The following HID1 variants were observed in gnomAD, a reference collection of about 807,000 sequenced individuals.
HID1 encodes HID1 domain containing, also known as protein HID1.
HID1 carries 42 observed loss-of-function variants against 89.7 expected under a neutral mutation model. The ratio of observed to expected loss-of-function variants is 0.47; its 90% CI spans 0.37 to 0.61. The LOEUF (loss-of-function observed/expected upper bound fraction) is 0.61. Among genes scored for constraint, HID1 ranks in the 20% least tolerant of loss-of-function variants. The pLI, the probability that HID1 is intolerant of heterozygous loss-of-function variation, is 0.00. For synonymous variants in HID1, 442 were observed against 433.8 expected (o/e 1.02, Z -0.24); for missense variants, 854 against 1,039.3 (o/e 0.82, Z 2.45).
intron 12 of HID1, among the ~76,000 whole-genome samples, chr17:74,957,659 G>T (rs1231855409): frequency 1.3e-5 from 2 of 151,880 alleles, no homozygotes; most frequent in African/African-American, 4.8e-5. Flanking sequence ...CAGCACTTTG[G>T]GAGGCTGAGG....
chr17:74,951,103 C>T lies in HID1; in HGVS notation c.*467G>A. The T allele has an allele frequency of 6.3e-6, 1 of 158,160 alleles. No individual in the cohort carries two copies. Among genetic ancestry groups the T allele is most frequent in the Non-Finnish European group, 1.4e-5 (1 of 72,280 alleles). 9.8% of individuals were successfully genotyped at this position (158,160 alleles called of 1,614,324 possible). A position where few individuals can be genotyped will look rare whatever the true frequency, so the allele number is the denominator to read the frequency against. On this transcript the variant is annotated 3_prime_UTR_variant, in exon 19 of 19. Coordinates refer to ENST00000425042, the MANE Select transcript of HID1 (RefSeq NM_030630.3). ...GAGCAGCCTGGCCACACCTTTTTCC[C>T]CTGGAGCCTGGAACAGCTGGCTTTG... is the stretch of plus-strand genomic sequence containing the variant.
Position 74,962,944 on chromosome 17 carries a change from G to T in HID1, c.504+21C>A, listed in dbSNP as rs570825257. On this transcript the variant is annotated intron_variant, in intron 4 of 18. Transcript: ENST00000425042. This position sits in a 1 kb window ranked among gnomAD's most constrained non-coding sequence, Gnocchi z 4.3. ...ACCAGAGCCTACTCCGCCTGGGGGT[G>T]GGGGGCTGGGGGACACTCACCACAG... 277 of 1,551,158 alleles carry T rather than the reference G, an allele frequency of 1.8e-4. 5 individuals are homozygous for T. In the South Asian group the frequency reaches 2.7e-3, roughly 15 times the overall value.
In HID1 at chr17:74,958,557, T is replaced by C. The variant is rs2144809549; in HGVS notation, c.1241-79A>G. ...CCAGGCAGTGACCATTTTGGAGGCC[T>C]CCCTCCTAGGAGGTCAGAGTGCCAG... On this transcript the variant is annotated intron_variant, in intron 10 of 18. Coordinates refer to ENST00000425042, the MANE Select transcript of HID1 (RefSeq NM_030630.3). The surrounding 1 kb of genome is among the most constrained non-coding windows in gnomAD (Gnocchi z 5.2). 6.3e-7 allele frequency: 1 copy of C among 1,580,822 alleles called. No homozygotes were observed. The highest frequency in any genetic ancestry group is 8.6e-7 in the Non-Finnish European group (1 of 1,159,958).
At position 74,962,724 on chromosome 17, in the gene HID1, G is replaced by A. The variant is rs2039501689; in HGVS notation, c.504+241C>T. ...CCTGTGTCTGAGCCCCACACCCCTG[G>A]GCAAGCAAAGACAATGGGTGTCTGT... On this transcript the variant is annotated intron_variant, in intron 4 of 18. Coordinates refer to ENST00000425042, the MANE Select transcript of HID1 (RefSeq NM_030630.3). This position sits in a 1 kb window ranked among gnomAD's most constrained non-coding sequence, Gnocchi z 4.3. Among the ~76,000 whole-genome samples the A allele has an allele frequency of 6.6e-6, 1 of 152,162 alleles. No individual in the cohort carries two copies. The highest frequency in any genetic ancestry group is 2.4e-5 in the African/African-American group (1 of 41,442).
intron 1 of HID1, among the ~76,000 whole-genome samples, chr17:74,964,862 C>T (rs2039538995): frequency 6.6e-6 from 1 of 152,206 alleles, no homozygotes; most frequent in Admixed American, 6.5e-5. Flanking sequence ...CAGCTAGGCA[C>T]AGAGTCAGCC....
Position 74,958,690 on chromosome 17 carries a change from T to C in HID1, c.1223A>G (p.Asp408Gly). The change falls in exon 10 of 19, where the codon GAT becomes GGT. Residue 408 changes from aspartate (D) to glycine (G), a missense_variant. Transcript: ENST00000425042. This position sits in a 1 kb window ranked among gnomAD's most constrained non-coding sequence, Gnocchi z 5.2. The part of the protein sequence containing the change: ...ILVPILFFLN[D>G]ARADQSRVGL... The stretch of plus-strand genomic sequence containing the variant: ...GGTCTTACACTGATCGGCCCGGGCA[T>C]CGTTGAGGAAGAAGAGGATGGGGAC... The C allele has an allele frequency of 8.1e-7, 1 of 1,230,358 alleles. No individual in the cohort carries two copies. The highest frequency in any genetic ancestry group is 1.2e-6 in the Non-Finnish European group (1 of 867,106). 76.2% of individuals were successfully genotyped at this position (1,230,358 alleles called of 1,614,324 possible). A position where few individuals can be genotyped will look rare whatever the true frequency, so the allele number is the denominator to read the frequency against.
At position 74,952,054 on chromosome 17, in the gene HID1, C is replaced by G. The variant is rs745610102; in HGVS notation, c.2154G>C (p.Thr718=). Residue 718 remains threonine (T), a synonymous_variant, in exon 18 of 19, where the codon ACG becomes ACC. Coordinates refer to ENST00000425042, the MANE Select transcript of HID1 (RefSeq NM_030630.3). The part of the protein sequence containing the change: ...VEKICIDKGL[T]DESEILRFLQ... ...GGAACCGCAGGATCTCAGACTCATC[C>G]GTCAGGCCCCTGCGGGGAGAGGGGT... 12 of 1,556,834 alleles carry G rather than the reference C, an allele frequency of 7.7e-6. No homozygotes were observed. Among genetic ancestry groups the G allele is most frequent in the Non-Finnish European group, 9.6e-6 (11 of 1,150,006 alleles).
Position 74,960,044 on chromosome 17 carries a change from G to A in HID1, c.933C>T (p.Thr311=), listed in dbSNP as rs374911326. Residue 311 remains threonine, a synonymous_variant, in exon 7 of 19, where the codon ACC becomes ACT. Coordinates refer to ENST00000425042, the MANE Select transcript of HID1 (RefSeq NM_030630.3). Reference sequence around the variant, plus strand: ...TCCTTACATCGGCATCATCCATGGCGGTGCCAGTGGTGGTGCCGTCCACAG... The same window carrying A: ...TCCTTACATCGGCATCATCCATGGCAGTGCCAGTGGTGGTGCCGTCCACAG... ...SPTVDGTTTG[T]AMDDADPPGP... 1.8e-5 allele frequency: 29 copies of A among 1,613,480 alleles called. No individual in the cohort carries two copies. Among genetic ancestry groups the A allele is most frequent in the South Asian group, 5.5e-5 (5 of 91,064 alleles).
Position 74,955,894 on chromosome 17 carries a change from C to T in HID1, c.1534G>A (p.Ala512Thr). The stretch of plus-strand genomic sequence containing the variant: ...AAGAGGAACCAGGTGGTGGAGAAGG[C>T]CTCCAGCAGGTGCAGCAACTTGTTG... ...TANKLLHLLE[A>T]FSTTWFLFSA... The change falls in exon 13 of 19, where the codon GCC (alanine) becomes ACC (threonine). Residue 512 changes from alanine to threonine, a missense_variant. Ala to Thr is a moderately conservative substitution (Grantham distance 58). Transcript: ENST00000425042. 1 of 1,614,044 alleles carries T rather than the reference C, an allele frequency of 6.2e-7. No individual in the cohort carries two copies. The highest frequency in any genetic ancestry group is 1.1e-5 in the South Asian group (1 of 91,070).
rs372509933 is a variant in HID1 at position 74,953,095 on chromosome 17, C to G, written c.1972-9G>C. 3 of 1,597,722 alleles carry G rather than the reference C, an allele frequency of 1.9e-6. No individual in the cohort carries two copies. Among genetic ancestry groups the G allele is most frequent in the South Asian group, 1.1e-5 (1 of 88,534 alleles). On this transcript the variant is annotated splice_polypyrimidine_tract_variant and intron_variant, in intron 15 of 18. Coordinates refer to ENST00000425042, the MANE Select transcript of HID1 (RefSeq NM_030630.3). The stretch of plus-strand genomic sequence containing the variant: ...CATGCCTGGCTGGGCTCCTGGCCCC[C>G]AGAAAGGAACAGGGGTGAGGGATGG...
chr17:74,962,849 C>A lies in HID1; in HGVS notation c.504+116G>T, dbSNP rs574176046. On this transcript the variant is annotated intron_variant, in intron 4 of 18. Transcript: ENST00000425042. The surrounding 1 kb of genome is among the most constrained non-coding windows in gnomAD (Gnocchi z 4.3). ...CCTACATGTGCCAGGCAGCTCAGCTCTCCTGGAGCCCCCCGGCCCCCAGTG... is the reference window on the plus strand; with the variant it reads ...CCTACATGTGCCAGGCAGCTCAGCTATCCTGGAGCCCCCCGGCCCCCAGTG... 7.2e-5 allele frequency: 53 copies of A among 738,002 alleles called. No homozygotes were observed. In the South Asian group the frequency reaches 8.9e-4, roughly 12 times the overall value. The allele number at this position is 738,002 out of a possible 1,614,324, so 45.7% of individuals were successfully genotyped here.
chr17:74,961,675 G>A lies in HID1; in HGVS notation c.728+198C>T, dbSNP rs555707701. On this transcript the variant is annotated intron_variant, in intron 6 of 18. Transcript: ENST00000425042. ...GGAGGACCCAGGGACGGATTACTGA[G>A]GGGCCCCCAGATTCTGTCCTGTCGA... 6.0e-3 allele frequency: 2,154 copies of A among 360,016 alleles called. 12 individuals are homozygous for A. Among genetic ancestry groups the A allele is most frequent in the Middle Eastern group, 0.021 (29 of 1,384 alleles). 22.3% of individuals were successfully genotyped at this position (360,016 alleles called of 1,614,324 possible). A position where few individuals can be genotyped will look rare whatever the true frequency, so the allele number is the denominator to read the frequency against.
At position 74,956,927 on chromosome 17, in the gene HID1, T is replaced by C. The variant is rs563020600; in HGVS notation, c.1472-971A>G. Among the ~76,000 whole-genome samples, 8 of 152,290 alleles carry C rather than the reference T, an allele frequency of 5.3e-5. No homozygotes were observed. The South Asian group carries it at 1.7e-3, about 32-fold the overall frequency. On this transcript the variant is annotated intron_variant, in intron 12 of 18. Coordinates refer to ENST00000425042, the MANE Select transcript of HID1 (RefSeq NM_030630.3). ...GTGGGGCCTCCACATCCCCATACAC[T>C]GTGACTCCAAATGTCCAAACCTGCA... is the stretch of plus-strand genomic sequence containing the variant.
intron 1 of HID1, among the ~76,000 whole-genome samples, chr17:74,965,459 G>T (rs1032172271): frequency 6.6e-6 from 1 of 152,148 alleles, no homozygotes; most frequent in Admixed American, 6.5e-5. Flanking sequence ...ACACACATGC[G>T]TACACACGTG....
intron 1 of HID1, among the ~76,000 whole-genome samples, chr17:74,968,738 G>A (rs1382064090): frequency 6.6e-6 from 1 of 152,176 alleles, no homozygotes; most frequent in Non-Finnish European, 1.5e-5. Flanking sequence ...CCATCTGGGA[G>A]TGCCTCTGGG....
chr17:74,951,470 C>T lies in HID1; in HGVS notation c.*100G>A. ...CAGGGCCACTCTGCCTGTTCCAGGC[C>T]CTGATCGTGGTAATTTAAAGCTCAG... On this transcript the variant is annotated 3_prime_UTR_variant, in exon 19 of 19. Transcript: ENST00000425042. The T allele has an allele frequency of 2.5e-6, 3 of 1,189,338 alleles. No individual in the cohort carries two copies. Among genetic ancestry groups the T allele is most frequent in the Non-Finnish European group, 3.7e-6 (3 of 818,414 alleles). The allele number at this position is 1,189,338 out of a possible 1,614,324, so 73.7% of individuals were successfully genotyped here. A position where few individuals can be genotyped will look rare whatever the true frequency, so the allele number is the denominator to read the frequency against.
chr17:74,963,698 G>A (rs769543292), intron 3 of HID1, 42 bp downstream of exon 3: 7 of 1,546,596 alleles, frequency 4.5e-6, no homozygotes, highest in Admixed American at 3.9e-5. Flanking sequence ...TCCCTGTGAC[G>A]CCAACTCTGC....
intron 1 of HID1, among the ~76,000 whole-genome samples, chr17:74,971,295 C>G (rs1386596054): frequency 6.6e-6 from 1 of 152,222 alleles, no homozygotes; most frequent in Non-Finnish European, 1.5e-5. Flanking sequence ...GCCCACTTGC[C>G]ACCTTCCCTG....
rs2039502138 is a variant in HID1 at position 74,962,762 on chromosome 17, G to A, written c.504+203C>T. ...AATGGGTGTCTGTGCCCAGCCATCC[G>A]AACGCAGCGGGCAGGGCCAGCCCCA... is the stretch of plus-strand genomic sequence containing the variant. On this transcript the variant is annotated intron_variant, in intron 4 of 18. Coordinates refer to ENST00000425042, the MANE Select transcript of HID1 (RefSeq NM_030630.3). The surrounding 1 kb of genome is among the most constrained non-coding windows in gnomAD (Gnocchi z 4.3). Among the ~76,000 whole-genome samples, 1 of 152,164 alleles carries A rather than the reference G, an allele frequency of 6.6e-6. No individual in the cohort carries two copies. Among genetic ancestry groups the A allele is most frequent in the African/African-American group, 2.4e-5 (1 of 41,444 alleles).
Sources: gnomAD v4.1 joint callset for allele counts (sites outside exome capture counted in the v4.1 genomes callset) on GRCh38, gnomAD v4.1.1 for gene constraint, Gnocchi (gnomAD v3.1) non-coding constraint, MANE v1.5 for transcripts, NCBI Gene and HGNC (gene_info 2026-07-23, HGNC 2026-07-21) for gene names.